The following ARB2A variants were observed in gnomAD, a reference collection of about 807,000 sequenced individuals.
ARB2A encodes ARB2 cotranscriptional regulator A.
the ARB2A span, among the ~76,000 whole-genome samples, chr5:94,088,235 G>C: frequency 3.3e-5 from 5 of 152,168 alleles, no homozygotes; most frequent in South Asian, 1.0e-3. Context: ...TTGATTCCTT[G>C]CCTGTTTTCA....
At chr5:93,753,501 G>A in the ARB2A span, among the ~76,000 whole-genome samples, 2 of 152,184 alleles carry the variant, frequency 1.3e-5, no homozygotes, top group Middle Eastern at 3.4e-3. Flanking sequence ...ATGAGAAAAC[G>A]GGGCTTAGTA....
chr5:93,689,382 T>C, the ARB2A span, among the ~76,000 whole-genome samples: 1 of 152,284 alleles, frequency 6.6e-6, no homozygotes, highest in South Asian at 2.1e-4. Context: ...TGGCTGAATA[T>C]AAGTGAAGGG....
At chr5:94,097,867 T>TACACAC in the ARB2A span, among the ~76,000 whole-genome samples, 8 of 122,892 alleles carry the variant, frequency 6.5e-5, no homozygotes, top group Non-Finnish European at 1.3e-4. Flanking sequence ...CCACCGCTGG[T>TACACAC]ACACACACAC....
At chr5:93,967,713 T>C in the ARB2A span, among the ~76,000 whole-genome samples, 3 of 152,154 alleles carry the variant, frequency 2.0e-5, no homozygotes, top group East Asian at 5.8e-4. Context: ...AGTAACCATT[T>C]AAAAATACTC....
chr5:93,985,278 T>C, the ARB2A span, among the ~76,000 whole-genome samples: 2 of 152,206 alleles, frequency 1.3e-5, no homozygotes, highest in South Asian at 2.1e-4. Context: ...CAACATTCCA[T>C]TGTGTGGATC....
the ARB2A span, among the ~76,000 whole-genome samples, chr5:93,772,563 T>A: frequency 2.6e-5 from 4 of 152,320 alleles, no homozygotes; most frequent in South Asian, 8.3e-4. Context: ...TAAAACAATA[T>A]ACATTTATCA....
the ARB2A span, among the ~76,000 whole-genome samples, chr5:93,723,535 T>A: frequency 2.6e-5 from 4 of 152,132 alleles, no homozygotes; most frequent in African/African-American, 9.7e-5. Context: ...ATAAAGCATT[T>A]CATAAAGGAA....
the ARB2A span, among the ~76,000 whole-genome samples, chr5:93,762,929 G>C: frequency 2.6e-5 from 4 of 152,132 alleles, no homozygotes; most frequent in African/African-American, 9.7e-5. Flanking sequence ...TTTCAACCCA[G>C]AATTTCATAT....
the ARB2A span, among the ~76,000 whole-genome samples, chr5:93,951,459 G>A: frequency 6.6e-6 from 1 of 152,122 alleles, no homozygotes; most frequent in Non-Finnish European, 1.5e-5. Context: ...TTCATAGTTT[G>A]AGGTCTTAAA....
chr5:93,986,717 C>T, the ARB2A span, among the ~76,000 whole-genome samples: 1 of 152,104 alleles, frequency 6.6e-6, no homozygotes, highest in Non-Finnish European at 1.5e-5. Context: ...AACCTTACCC[C>T]CAACCCGGTG....
chr5:93,873,997 T>TG, the ARB2A span, among the ~76,000 whole-genome samples: 1 of 152,116 alleles, frequency 6.6e-6, no homozygotes, highest in East Asian at 1.9e-4. Context: ...AAATTCATTT[T>TG]CGGGGGAATA....
chr5:93,917,508 T>C, the ARB2A span, among the ~76,000 whole-genome samples: 1 of 152,150 alleles, frequency 6.6e-6, no homozygotes, highest in Non-Finnish European at 1.5e-5. Context: ...AATCATCAAA[T>C]GTTTGCATGA....
the ARB2A span, among the ~76,000 whole-genome samples, chr5:93,877,490 C>A: frequency 6.6e-6 from 1 of 152,046 alleles, no homozygotes; most frequent in South Asian, 2.1e-4. Context: ...ATAATATGCT[C>A]TGTACTAATG....
chr5:94,053,074 T>TAGAC, the ARB2A span: 9 of 666,892 alleles, frequency 1.3e-5, no homozygotes, highest in Non-Finnish European at 1.9e-5. Context: ...GCATATACTA[T>TAGAC]AGATAGATAG....
the ARB2A span, among the ~76,000 whole-genome samples, chr5:93,828,078 T>C: frequency 2.0e-5 from 3 of 152,130 alleles, no homozygotes; most frequent in East Asian, 3.9e-4. Context: ...ATGTGGGCTC[T>C]TTTTTGGTTC....
chr5:93,792,690 G>A, the ARB2A span, among the ~76,000 whole-genome samples: 1 of 135,214 alleles, frequency 7.4e-6, no homozygotes, highest in African/African-American at 2.8e-5. Context: ...ATCACACTCT[G>A]GGGACTGTTG....
At chr5:94,097,291 C>G in the ARB2A span, among the ~76,000 whole-genome samples, 1 of 152,168 alleles carries the variant, frequency 6.6e-6, no homozygotes, top group Admixed American at 6.5e-5. Context: ...AGCATAGTCT[C>G]AGATATCCAA....
At chr5:93,783,718 G>A in the ARB2A span, among the ~76,000 whole-genome samples, 1 of 152,136 alleles carries the variant, frequency 6.6e-6, no homozygotes, top group Non-Finnish European at 1.5e-5. Context: ...CTGGATATCT[G>A]TCATAGGAAC....
the ARB2A span, among the ~76,000 whole-genome samples, chr5:94,066,467 T>C: frequency 8.2e-3 from 776 of 94,748 alleles, 8 homozygotes; most frequent in African/African-American, 0.03. Context: ...CACACACACA[T>C]AAAAACCCAG....
Sources: gnomAD v4.1 joint callset for allele counts (sites outside exome capture counted in the v4.1 genomes callset) on GRCh38, gnomAD v4.1.1 for gene constraint, MANE v1.5 for transcripts, NCBI Gene and HGNC (gene_info 2026-07-23, HGNC 2026-07-21) for gene names.